The following NPIPB2 variants were observed in gnomAD, a reference collection of about 807,000 sequenced individuals.
NPIPB2 encodes the protein nuclear pore complex-interacting protein family member B2.
NPIPB2 carries 27 observed loss-of-function variants against 30.8 expected under a neutral mutation model. That is an observed-to-expected ratio of 0.88 (90% confidence interval 0.65 to 1.21). The LOEUF is 1.21. Ranked by LOEUF, NPIPB2 falls within the 50% of genes most tolerant of loss-of-function variation. The probability of loss-of-function intolerance (pLI) is 0.00; values close to 1 mark genes in which losing one functional copy is unlikely to be tolerated. For missense variants in NPIPB2, 440 were observed against 446.2 expected, an observed-to-expected ratio of 0.99 and a Z score of 0.13; for synonymous variants, 147 against 162.0, an observed-to-expected ratio of 0.91 and a Z score of 0.70.
At chr16:11,970,517 A>G (rs1000323006) in intron 1 of NPIPB2, among the ~76,000 whole-genome samples, 3 of 148,116 alleles carry the variant, frequency 2.0e-5, no homozygotes, top group Non-Finnish European at 4.6e-5. Flanking sequence ...CTGGCCTTCC[A>G]GTGTTTAAAA....
intron 1 of NPIPB2, chr16:11,956,340 G>T (rs1211915250): frequency 6.6e-6 from 1 of 152,174 alleles, no homozygotes; most frequent in Admixed American, 6.6e-5. Context: ...ACTAAAAAAT[G>T]AACACTCTCT....
At chr16:11,957,584 G>A (rs545915944) in intron 1 of NPIPB2, among the ~76,000 whole-genome samples, 3 of 152,220 alleles carry the variant, frequency 2.0e-5, no homozygotes, top group South Asian at 2.1e-4. Context: ...CTGAGCCACC[G>A]TGCCTGGCCC....
chr16:11,945,314 G>A (rs949680993), upstream of NPIPB2, among the ~76,000 whole-genome samples: 18 of 152,082 alleles, frequency 1.2e-4, no homozygotes, highest in Admixed American at 1.2e-3. Flanking sequence ...CCAGGAGTTC[G>A]AGGCTGCAGT....
At position 11,927,471 on chromosome 16, in the gene NPIPB2, GTT is replaced by G; in HGVS notation, c.1094_1095del (p.Glu365AlafsTer8). On this transcript the variant is annotated frameshift_variant, in exon 8 of 8. Transcript: ENST00000399147. LOFTEE classifies it high-confidence loss of function. ...ACCTCAGCGGCCCTCCGCCTCTTGG[GTT>G]CGGGTGGTGATTCCACCTCAGCGGC... 8.2e-7 allele frequency: 1 copy of G among 1,212,766 alleles called. No homozygotes were observed. The highest frequency in any genetic ancestry group is 1.1e-6 in the Non-Finnish European group (1 of 924,216). The allele number at this position is 1,212,766 out of a possible 1,614,324, so 75.1% of individuals were successfully genotyped here. A position where few individuals can be genotyped will look rare whatever the true frequency, so the allele number is the denominator to read the frequency against.
At chr16:11,969,067 G>A (rs2150943307) in intron 1 of NPIPB2, among the ~76,000 whole-genome samples, 1 of 151,682 alleles carries the variant, frequency 6.6e-6, no homozygotes, top group East Asian at 2.0e-4. Context: ...GGGTTTCACT[G>A]TGTTGGTCAG....
chr16:11,934,451 G>C (rs959302353), intron 2 of NPIPB2, among the ~76,000 whole-genome samples: 25 of 151,358 alleles, frequency 1.7e-4, no homozygotes, highest in Admixed American at 1.3e-3. Flanking sequence ...TAGTCAGGAG[G>C]CTGAGGCAGG....
intron 1 of NPIPB2, among the ~76,000 whole-genome samples, chr16:11,954,399 A>G (rs1053813615): frequency 4.0e-5 from 6 of 151,434 alleles, no homozygotes; most frequent in African/African-American, 1.5e-4. Flanking sequence ...AATCACTTGA[A>G]CCCAGGAGTT....
intron 1 of NPIPB2, among the ~76,000 whole-genome samples, chr16:11,955,671 A>T (rs2055104295): frequency 6.6e-6 from 1 of 151,240 alleles, no homozygotes; most frequent in African/African-American, 2.4e-5. Flanking sequence ...CAGTGAGCTG[A>T]GATCGTACCA....
At chr16:11,953,423 A>G (rs1596501856) in intron 1 of NPIPB2, among the ~76,000 whole-genome samples, 1 of 140,272 alleles carries the variant, frequency 7.1e-6, no homozygotes, top group Non-Finnish European at 1.5e-5. Context: ...GCTCACTGCA[A>G]CCTCCGCCTC....
chr16:11,952,563 C>G (rs2055076986), intron 1 of NPIPB2, among the ~76,000 whole-genome samples: 1 of 89,266 alleles, frequency 1.1e-5, no homozygotes, highest in African/African-American at 4.7e-5. Flanking sequence ...ATCTTTCTTT[C>G]TCTTTTTTTT....
chr16:11,941,078 C>T, intron 1 of NPIPB2: 1 of 1,322,946 alleles, frequency 7.6e-7, no homozygotes, highest in South Asian at 1.2e-5. Flanking sequence ...CCCTAAAGTG[C>T]TGGGATTACA....
intron 1 of NPIPB2, among the ~76,000 whole-genome samples, chr16:11,960,516 C>T (rs1212196119): frequency 6.6e-6 from 1 of 151,958 alleles, no homozygotes; most frequent in Non-Finnish European, 1.5e-5. Flanking sequence ...GCCACCATGC[C>T]CGGCTAATTT....
chr16:11,944,810 T>TAGGCC (rs1192517347), upstream of NPIPB2, among the ~76,000 whole-genome samples: 1 of 150,774 alleles, frequency 6.6e-6, no homozygotes, highest in Non-Finnish European at 1.5e-5. Flanking sequence ...AAAATACATT[T>TAGGCC]AGGCCAGATG....
chr16:11,962,197 T>TAAAA (rs34733614), intron 1 of NPIPB2, among the ~76,000 whole-genome samples: 1 of 95,714 alleles, frequency 1.0e-5, no homozygotes, highest in Non-Finnish European at 2.0e-5. Context: ...CACCCTGTCT[T>TAAAA]AAAAAAAAAA....
Position 11,959,056 on chromosome 16 carries a change from T to G in NPIPB2, c.-583-16942A>C, listed in dbSNP as rs1235948274. 2.6e-5 allele frequency among the ~76,000 whole-genome samples: 4 copies of G among 152,160 alleles called. No homozygotes were observed. The East Asian group carries it at 7.7e-4, about 29-fold the overall frequency. On this transcript the variant is annotated intron_variant, in intron 1 of 5. Transcript: ENST00000538896. ...GCCTCTGTGAATGGGCAGCCAAGCA[T>G]TTGGTGCTGGGGCTCGGGCCGTGGC...
intron 1 of NPIPB2, 32 bp from the exon 2 acceptor site, chr16:11,937,700 G>A (rs760986285): frequency 1.3e-6 from 2 of 1,595,940 alleles, no homozygotes; most frequent in Non-Finnish European, 1.7e-6. Flanking sequence ...TAATGAAAAG[G>A]TCAATGACAC....
intron 4 of NPIPB2, among the ~76,000 whole-genome samples, chr16:11,931,423 A>G (rs540478141): frequency 3.9e-4 from 57 of 146,198 alleles, no homozygotes; most frequent in African/African-American, 1.4e-3. Context: ...GATGTGTAAA[A>G]TTCCCAGAAC....
intron 1 of NPIPB2, among the ~76,000 whole-genome samples, chr16:11,951,925 C>T (rs8055129): frequency 0.19 from 29,534 of 151,660 alleles, 5,486 homozygotes; most frequent in African/African-American, 0.48. Flanking sequence ...TTTGGGAGGC[C>T]GAGGCGGGCG....
At chr16:11,947,260 GGT>G (rs762637486) in intron 1 of NPIPB2, among the ~76,000 whole-genome samples, 7 of 143,236 alleles carry the variant, frequency 4.9e-5, no homozygotes, top group Non-Finnish European at 9.2e-5. Context: ...ATGGTTGAAT[GGT>G]GTGTGTGTGT....
Sources: allele counts gnomAD v4.1 joint callset (sites outside exome capture counted in the v4.1 genomes callset), GRCh38; gene constraint gnomAD v4.1.1; transcripts MANE v1.5; gene names NCBI Gene and HGNC (gene_info 2026-07-23, HGNC 2026-07-21).